ESR1: variants seen among roughly 807,000 people sequenced by gnomAD.
ESR1 encodes estrogen receptor 1.
In ESR1, 12 loss-of-function variants were observed where a neutral mutation model predicts 52.7. That is an observed-to-expected ratio of 0.23 (90% CI 0.15 to 0.37). The LOEUF (loss-of-function observed/expected upper bound fraction) is 0.37, where lower values mean the gene tolerates loss of function less well. Ranked by LOEUF, ESR1 falls within the 10% of genes least tolerant of loss-of-function variation. The probability of loss-of-function intolerance (pLI) is 1.00; values close to 1 mark genes in which losing one functional copy is unlikely to be tolerated. For synonymous variants in ESR1, 305 were observed against 316.8 expected (o/e 0.96, Z 0.39); for missense variants, 584 against 779.7 (o/e 0.75, Z 2.99).
intron 2 of ESR1, among the ~76,000 whole-genome samples, chr6:151,796,775 T>C (rs937719100): frequency 6.6e-6 from 1 of 152,186 alleles, no homozygotes; most frequent in Non-Finnish European, 1.5e-5. Flanking sequence ...ATTATTTCCC[T>C]TTTTAAAACT....
chr6:151,979,759 T>A (rs555825361), intron 4 of ESR1, among the ~76,000 whole-genome samples: 67 of 152,326 alleles, frequency 4.4e-4, no homozygotes, highest in African/African-American at 7.2e-4. Flanking sequence ...TGCTTTTTTT[T>A]AAATTAATCT....
intron 1 of ESR1, chr6:151,809,131 C>A (rs1229706812): frequency 2.4e-6 from 1 of 413,398 alleles, no homozygotes; most frequent in Non-Finnish European, 5.2e-6. Context: ...TCCTGCCAGC[C>A]CAGTGACAAG....
intron 1 of ESR1, among the ~76,000 whole-genome samples, chr6:151,814,408 A>C (rs186728573): frequency 5.3e-4 from 80 of 151,904 alleles, no homozygotes; most frequent in African/African-American, 1.9e-3. Flanking sequence ...TTACCCTATT[A>C]AGCTTTCTTT....
chr6:151,679,418 C>T (rs1021286557), intron 1 of ESR1, among the ~76,000 whole-genome samples: 13 of 152,160 alleles, frequency 8.5e-5, no homozygotes, highest in Non-Finnish European at 1.9e-4. Flanking sequence ...GGCGCAATCT[C>T]GGCTCACCGC....
At chr6:151,698,722 C>T (rs1033719617) in intron 1 of ESR1, among the ~76,000 whole-genome samples, 1 of 152,136 alleles carries the variant, frequency 6.6e-6, no homozygotes, top group Non-Finnish European at 1.5e-5. Context: ...GCCAAACCCA[C>T]TAAATAATTT....
exon 7 of ESR1, chr6:152,127,175 AT>A (rs1207440904): frequency 6.6e-6 from 1 of 152,082 alleles, no homozygotes; most frequent in Admixed American, 6.6e-5. Context: ...CTCTAAAACC[AT>A]TGTTTAAAGG....
At chr6:151,976,818 T>C (rs184599537) in intron 4 of ESR1, among the ~76,000 whole-genome samples, 12 of 152,228 alleles carry the variant, frequency 7.9e-5, no homozygotes, top group Non-Finnish European at 1.6e-4. Context: ...TAAAAAGTGT[T>C]GATAATGCTC....
chr6:151,965,130 T>G (rs539527413), intron 4 of ESR1, among the ~76,000 whole-genome samples: 10 of 152,182 alleles, frequency 6.6e-5, no homozygotes, highest in Non-Finnish European at 1.3e-4. Flanking sequence ...CATACACATA[T>G]ACACACATAA....
chr6:151,914,290 T>C (rs1798712110), intron 3 of ESR1, among the ~76,000 whole-genome samples: 1 of 152,166 alleles, frequency 6.6e-6, no homozygotes. Context: ...ATTTTGACTT[T>C]ATCATCTTTA....
chr6:152,104,335 C>T (rs563097509), downstream of ESR1, among the ~76,000 whole-genome samples: 4 of 152,192 alleles, frequency 2.6e-5, no homozygotes, highest in Non-Finnish European at 1.5e-5. Flanking sequence ...AAAATAGAAA[C>T]AAGAATAGCA....
chr6:152,027,122 C>G (rs1287640269), intron 5 of ESR1, among the ~76,000 whole-genome samples: 2 of 151,830 alleles, frequency 1.3e-5, no homozygotes, highest in Non-Finnish European at 2.9e-5. Context: ...ATCAGCCACC[C>G]CACCTGGCTA....
At chr6:151,889,762 T>C (rs1266680182) in intron 3 of ESR1, among the ~76,000 whole-genome samples, 2 of 152,166 alleles carry the variant, frequency 1.3e-5, no homozygotes, top group African/African-American at 4.8e-5. Flanking sequence ...TTTGAGATCT[T>C]CTTCTTTGAT....
intron 1 of ESR1, among the ~76,000 whole-genome samples, chr6:151,660,092 A>G (rs1399914071): frequency 2.6e-5 from 4 of 152,238 alleles, no homozygotes; most frequent in Admixed American, 1.3e-4. Context: ...AGAAATCAGA[A>G]TGGACATTCA....
chr6:151,772,119 G>T (rs1013808674), intron 2 of ESR1, among the ~76,000 whole-genome samples: 1 of 152,180 alleles, frequency 6.6e-6, no homozygotes, highest in African/African-American at 2.4e-5. Flanking sequence ...AGCAATGTGG[G>T]TTTCTAACAG....
intron 4 of ESR1, 83 bp from the exon 5 acceptor site, chr6:152,011,573 A>G (rs1202739797): frequency 7.3e-6 from 11 of 1,503,106 alleles, no homozygotes; most frequent in Non-Finnish European, 9.3e-6. Context: ...AGACCTTGTC[A>G]GTTCAAATCC....
chr6:151,941,592 T>C (rs2035069275), intron 3 of ESR1, among the ~76,000 whole-genome samples: 1 of 151,798 alleles, frequency 6.6e-6, no homozygotes, highest in Admixed American at 6.6e-5. Context: ...TAGAGTCATA[T>C]AGTACAAGCT....
rs192053387 is a variant in ESR1 at position 151,851,350 on chromosome 6, T to C, written c.643+8563T>C. On this transcript the variant is annotated intron_variant, in intron 2 of 7. Transcript: ENST00000206249. ...TTAGTTTATTCCATTGTATTGCATA[T>C]ATTTGATTGCCCATGTTCTGTCCCA... Among the ~76,000 whole-genome samples the C allele has an allele frequency of 2.8e-3, 419 of 152,276 alleles. 1 individual carries two copies. Among genetic ancestry groups the C allele is most frequent in the Middle Eastern group, 0.014 (4 of 294 alleles).
intron 5 of ESR1, among the ~76,000 whole-genome samples, chr6:152,047,714 C>G (rs1392409995): frequency 6.6e-6 from 1 of 152,164 alleles, no homozygotes; most frequent in Middle Eastern, 3.2e-3. Flanking sequence ...CATGTAACAA[C>G]ATTGCATTTG....
intron 5 of ESR1, among the ~76,000 whole-genome samples, chr6:152,016,130 C>T (rs936049889): frequency 2.0e-5 from 3 of 152,174 alleles, no homozygotes; most frequent in African/African-American, 4.8e-5. Context: ...CCTGCACAAG[C>T]TCTCTTGCCT....
Sources: gnomAD v4.1 joint callset for allele counts (sites outside exome capture counted in the v4.1 genomes callset) on GRCh38, gnomAD v4.1.1 for gene constraint, MANE v1.5 for transcripts, NCBI Gene and HGNC (gene_info 2026-07-23, HGNC 2026-07-21) for gene names.